MGMT: variants seen among roughly 807,000 people sequenced by gnomAD.
MGMT encodes methylated-DNA--protein-cysteine methyltransferase.
In MGMT, 14 loss-of-function variants were observed where a neutral mutation model predicts 15.9. That is an observed-to-expected ratio of 0.88 (90% CI 0.58 to 1.37). The LOEUF (loss-of-function observed/expected upper bound fraction) is 1.37, where lower values mean the gene tolerates loss of function less well. Among genes scored for constraint, MGMT ranks in the 40% most tolerant of loss-of-function variants. The pLI, the probability that MGMT is intolerant of heterozygous loss-of-function variation, is 0.00. For missense variants in MGMT, 282 were observed against 268.1 expected (o/e 1.05, Z -0.36); for synonymous variants, 130 against 118.2 (o/e 1.10, Z -0.65).
intron 2 of MGMT, among the ~76,000 whole-genome samples, chr10:129,596,979 G>T (rs1216697574): frequency 1.3e-5 from 2 of 152,128 alleles, no homozygotes; most frequent in Admixed American, 6.6e-5. Flanking sequence ...GGGCTTAGTG[G>T]GCTGGGGTGA....
intron 2 of MGMT, among the ~76,000 whole-genome samples, chr10:129,662,062 A>G (rs1046520307): frequency 3.3e-5 from 5 of 152,174 alleles, no homozygotes; most frequent in Non-Finnish European, 5.9e-5. Flanking sequence ...CTCTGCAGAC[A>G]GTTCCACGTG....
At chr10:129,495,689 C>A (rs1360299387) in intron 1 of MGMT, among the ~76,000 whole-genome samples, 1 of 152,196 alleles carries the variant, frequency 6.6e-6, no homozygotes, top group Non-Finnish European at 1.5e-5. Context: ...CATGGACATG[C>A]CTTCCTGTCA....
chr10:129,615,276 C>T (rs914710882), intron 2 of MGMT, among the ~76,000 whole-genome samples: 2 of 152,158 alleles, frequency 1.3e-5, no homozygotes, highest in African/African-American at 4.8e-5. Context: ...GCCGCCGCCT[C>T]CCCTGACGTG....
chr10:129,621,602 T>C (rs1847091434), intron 2 of MGMT, among the ~76,000 whole-genome samples: 2 of 152,138 alleles, frequency 1.3e-5, no homozygotes, highest in African/African-American at 4.8e-5. Context: ...GGTTCCATGG[T>C]GAGCAGTGCA....
At chr10:129,716,004 G>T (rs998003223) in intron 3 of MGMT, among the ~76,000 whole-genome samples, 1 of 152,128 alleles carries the variant, frequency 6.6e-6, no homozygotes, top group Non-Finnish European at 1.5e-5. Context: ...TGTAGCTTCT[G>T]AGGCCGCGTG....
chr10:129,636,375 C>T (rs1054191774), intron 2 of MGMT, among the ~76,000 whole-genome samples: 2 of 152,192 alleles, frequency 1.3e-5, no homozygotes, highest in Non-Finnish European at 2.9e-5. Flanking sequence ...TAAATGTTGG[C>T]TCTGAAGAGA....
At chr10:129,727,814 C>T (rs1451947889) in intron 3 of MGMT, among the ~76,000 whole-genome samples, 1 of 152,202 alleles carries the variant, frequency 6.6e-6, no homozygotes, top group Non-Finnish European at 1.5e-5. Context: ...AGCAAGGTAG[C>T]CTTCAGCTGT....
chr10:129,702,942 C>T (rs1848116745), intron 2 of MGMT, among the ~76,000 whole-genome samples: 1 of 152,220 alleles, frequency 6.6e-6, no homozygotes, highest in Non-Finnish European at 1.5e-5. Context: ...CACCCCAGCT[C>T]TTCTTCCAGG....
At chr10:129,520,488 G>GGTGCAGAGCCCCTATGGTT (rs1564840926) in intron 1 of MGMT, among the ~76,000 whole-genome samples, 1 of 151,588 alleles carries the variant, frequency 6.6e-6, no homozygotes, top group African/African-American at 2.4e-5. Context: ...CCCCTATGGT[G>GGTGCAGAGCCCCTATGGTT]CAGGTGCAGA....
At chr10:129,485,698 T>A (rs1845401298) in intron 1 of MGMT, among the ~76,000 whole-genome samples, 1 of 152,254 alleles carries the variant, frequency 6.6e-6, no homozygotes, top group Admixed American at 6.5e-5. Flanking sequence ...TTCCCAGAAT[T>A]TCAGGCTACT....
chr10:129,657,681 ACACACACACACACACACACACACACG>A (rs1336060307), intron 2 of MGMT, among the ~76,000 whole-genome samples: 1 of 133,286 alleles, frequency 7.5e-6, no homozygotes, highest in Non-Finnish European at 1.6e-5. Context: ...TCCAACACAC[ACACACACACACACACACACACACACG>A]CACACACACA....
chr10:129,601,537 T>A lies in MGMT; in HGVS notation c.125+65160T>A, dbSNP rs185506523. ...GGAAACACTGCAGGGGCTTCTGGCTTCCTGGATCCTGCCCCTCACCTGGGG... is the reference window on the plus strand; with the variant it reads ...GGAAACACTGCAGGGGCTTCTGGCTACCTGGATCCTGCCCCTCACCTGGGG... On this transcript the variant is annotated intron_variant, in intron 2 of 4. Transcript: ENST00000651593. Among the ~76,000 whole-genome samples, 1,092 of 152,272 alleles carry A rather than the reference T, an allele frequency of 7.2e-3. 5 individuals are homozygous for A. Among genetic ancestry groups the A allele is most frequent in the Non-Finnish European group, 0.012 (823 of 68,010 alleles).
Position 129,536,384 on chromosome 10 carries a change from A to G in MGMT, c.125+7A>G. ...AGGGGACGTCTGCAGCTGAGTAAGTATGAGCCCACGTGATCCTGTATACCG... is the reference window on the plus strand; with the variant it reads ...AGGGGACGTCTGCAGCTGAGTAAGTGTGAGCCCACGTGATCCTGTATACCG... On this transcript the variant is annotated splice_region_variant and intron_variant, in intron 2 of 4. Coordinates refer to ENST00000651593, the MANE Select transcript of MGMT (RefSeq NM_002412.5). The G allele has an allele frequency of 6.2e-7, 1 of 1,611,304 alleles. No individual in the cohort carries two copies. The highest frequency in any genetic ancestry group is 8.5e-7 in the Non-Finnish European group (1 of 1,179,318).
intron 1 of MGMT, among the ~76,000 whole-genome samples, chr10:129,486,162 GTTCTC>G: frequency 1.6e-4 from 23 of 144,644 alleles, no homozygotes; most frequent in African/African-American, 4.9e-4. Flanking sequence ...GTTCTTCTCT[GTTCTC>G]TTCTCTTCTC....
intron 2 of MGMT, among the ~76,000 whole-genome samples, chr10:129,575,537 G>T (rs879526172): frequency 7.3e-6 from 1 of 136,212 alleles, no homozygotes; most frequent in East Asian, 2.1e-4. Context: ...TCAAAGCAGT[G>T]TGTAGAGGGA....
At chr10:129,500,865 A>T (rs1249332598) in intron 1 of MGMT, among the ~76,000 whole-genome samples, 2 of 152,206 alleles carry the variant, frequency 1.3e-5, no homozygotes, top group Non-Finnish European at 2.9e-5. Flanking sequence ...TGTTAAGTGT[A>T]TGACATAAAA....
chr10:129,759,413 A>G, intron 4 of MGMT, 72 bp downstream of exon 4: 2 of 1,601,792 alleles, frequency 1.2e-6, no homozygotes, highest in Non-Finnish European at 1.7e-6. Context: ...ATCTGATCCC[A>G]CGTGTTTCCT....
At chr10:129,652,401 C>G (rs534874064) in intron 2 of MGMT, among the ~76,000 whole-genome samples, 1 of 152,336 alleles carries the variant, frequency 6.6e-6, no homozygotes, top group Admixed American at 6.5e-5. Flanking sequence ...ACTCAGGCCC[C>G]CTTCCTGGAA....
At chr10:129,705,674 G>A (rs983610511) in intron 2 of MGMT, among the ~76,000 whole-genome samples, 1 of 152,208 alleles carries the variant, frequency 6.6e-6, no homozygotes, top group Non-Finnish European at 1.5e-5. Flanking sequence ...AAGAAGTTGT[G>A]ACTACATCTT....
Sources: gnomAD v4.1 joint callset for allele counts (sites outside exome capture counted in the v4.1 genomes callset) on GRCh38, gnomAD v4.1.1 for gene constraint, MANE v1.5 for transcripts, NCBI Gene and HGNC (gene_info 2026-07-23, HGNC 2026-07-21) for gene names.